ARHGAP4: variants seen among roughly 807,000 people sequenced by gnomAD.
The protein encoded by ARHGAP4 is Rho GTPase activating protein 4.
In ARHGAP4, 25 loss-of-function variants were observed where a neutral mutation model predicts 67.6. The ratio of observed to expected loss-of-function variants is 0.37; its 90% CI spans 0.27 to 0.52. The LOEUF is 0.52. ARHGAP4 is among the 20% of genes least tolerant of loss of function. The pLI, the probability that ARHGAP4 is intolerant of heterozygous loss-of-function variation, is 0.92. For missense variants in ARHGAP4, 804 were observed against 854.6 expected, an observed-to-expected ratio of 0.94 and a Z score of 0.74; for synonymous variants, 448 against 373.7, an observed-to-expected ratio of 1.20 and a Z score of -2.29.
At chrX:153,914,097 C>T (rs897059354) in intron 7 of ARHGAP4, 24 of 423,745 alleles carry the variant, frequency 5.7e-5, no homozygotes, top group Non-Finnish European at 8.3e-5. Flanking sequence ...ATCCAACTGA[C>T]GGATGGCTAA....
chrX:153,912,646 C>A, intron 12 of ARHGAP4, 54 bp downstream of exon 12: 1 of 1,057,815 alleles, frequency 9.5e-7, no homozygotes, highest in Non-Finnish European at 1.3e-6. Context: ...TGACCCAGAG[C>A]TGAAGAAAGA....
Position 153,913,864 on chromosome X carries a change from C to T in ARHGAP4, c.1048G>A (p.Val350Ile), listed in dbSNP as rs781798186. Reference sequence around the variant, plus strand: ...ATCTCGTCCCGCAGCTCCATTTCAACGCAGATCTCAGCCACCTGCAGAGGG... The same window carrying T: ...ATCTCGTCCCGCAGCTCCATTTCAATGCAGATCTCAGCCACCTGCAGAGGG... ...HDGDEVAEIC[V>I]EMELRDEILP... The change falls in exon 8 of 22, where the codon GTT becomes ATT. Residue 350 changes from valine to isoleucine, a missense_variant. Coordinates refer to ENST00000350060, the MANE Select transcript of ARHGAP4 (RefSeq NM_001666.5). The T allele has an allele frequency of 2.5e-6, 3 of 1,212,113 alleles. No homozygotes were observed. The highest frequency in any genetic ancestry group is 3.0e-5 in the East Asian group (1 of 33,872).
Position 153,919,588 on chromosome X carries a change from C to A in ARHGAP4, c.682-305G>T, listed in dbSNP as rs1235492968. On this transcript the variant is annotated intron_variant, in intron 5 of 21. Transcript: ENST00000350060. The stretch of plus-strand genomic sequence containing the variant: ...ATACCTGATGAGTGGAAGGTGCGCA[C>A]ATGGCACCCCACCATGGAGGGTGCA... 8 of 1,162,865 alleles carry A rather than the reference C, an allele frequency of 6.9e-6. No homozygotes were observed. The Admixed American group carries it at 2.1e-4, about 31-fold the overall frequency.
intron 3 of ARHGAP4, 30 bp downstream of exon 3, chrX:153,921,335 A>G: frequency 8.3e-7 from 1 of 1,209,742 alleles, no homozygotes; most frequent in Non-Finnish European, 1.1e-6. Context: ...AGCCTCGAAC[A>G]CTTCCCGTGG....
Position 153,920,653 on chromosome X carries a change from G to C in ARHGAP4, c.654C>G (p.Leu218=), listed in dbSNP as rs782227301. ...TCTCCACCAGCCTCCCTCCCTTCTT[G>C]AGGGAGCTCTTGCGGAGGGGCCCTG... The part of the protein sequence containing the change: ...TEAGPLRKSS[L]KKGGRLVEKR... Residue 218 remains leucine, a synonymous_variant, in exon 5 of 22, where the codon CTC becomes CTG. Transcript: ENST00000350060. The C allele has an allele frequency of 1.7e-6, 2 of 1,208,367 alleles. No homozygotes were observed. The highest frequency in any genetic ancestry group is 3.5e-5 in the African/African-American group (2 of 57,637).
intron 5 of ARHGAP4, chrX:153,919,694 G>A (rs1557104859): frequency 8.7e-7 from 1 of 1,149,707 alleles, no homozygotes; most frequent in Admixed American, 2.7e-5. Context: ...GAGCTGAGGG[G>A]GAACGAGTAC....
chrX:153,912,877 G>A, intron 11 of ARHGAP4, 75 bp from the exon 12 acceptor site: 1 of 1,117,014 alleles, frequency 9.0e-7, no homozygotes, highest in South Asian at 2.0e-5. Flanking sequence ...GGCCAGCCAA[G>A]CCGGCCTCTA....
intron 1 of ARHGAP4, chrX:153,922,427 C>T: frequency 1.3e-6 from 1 of 753,715 alleles, no homozygotes; most frequent in Non-Finnish European, 1.6e-6. Context: ...GAGCTAGCCC[C>T]CGTCTTCTGA....
At chrX:153,925,856 A>C (rs937102077) in intron 1 of ARHGAP4, among the ~76,000 whole-genome samples, 2 of 113,130 alleles carry the variant, frequency 1.8e-5, no homozygotes, top group Admixed American at 1.9e-4. Flanking sequence ...ACCAGCGGCC[A>C]CCAGTGTCTC....
chrX:153,918,016 T>C (rs1557104479), intron 7 of ARHGAP4, among the ~76,000 whole-genome samples: 1 of 111,903 alleles, frequency 8.9e-6, no homozygotes, highest in African/African-American at 3.2e-5. Context: ...CTCCTAGCAA[T>C]GGGCATGTTC....
In ARHGAP4 at chrX:153,910,599, G is replaced by A. The variant is rs782448315; in HGVS notation, c.1829C>T (p.Thr610Ile). The change falls in exon 16 of 22, where the codon ACA becomes ATA. Residue 610 changes from threonine (T) to isoleucine (I), a missense_variant. Thr to Ile is a moderately conservative substitution (Grantham distance 89). Transcript: ENST00000350060. Reference sequence around the variant, plus strand: ...GCTCACGTGCTCCACCCTCTCCGCTGTGGCCTCCAGCTCTGTGGCCAAAGC... The same window carrying A: ...GCTCACGTGCTCCACCCTCTCCGCTATGGCCTCCAGCTCTGTGGCCAAAGC... Reference protein sequence around the residue: ...ELLASSELEATAERVEHVSRL... With the variant: ...ELLASSELEAIAERVEHVSRL... 5 of 1,206,663 alleles carry A rather than the reference G, an allele frequency of 4.1e-6. No individual in the cohort carries two copies. The highest frequency in any genetic ancestry group is 2.2e-5 in the Admixed American group (1 of 45,870).
chrX:153,907,859 G>A lies in ARHGAP4; in HGVS notation c.2711C>T (p.Pro904Leu). 2.0e-6 allele frequency: 2 copies of A among 1,022,428 alleles called. No homozygotes were observed. The highest frequency in any genetic ancestry group is 7.3e-5 in the East Asian group (2 of 27,278). 84.3% of individuals were successfully genotyped at this position (1,022,428 alleles called of 1,213,427 possible). ...GCTGGGCGGGGCCTTTGGGCTTCGG[G>A]GCCCAGGACTGGGAGAGGTGGTAGA... ...PASTTSPSPG[P>L]RSPKAPPSSR... Residue 904 changes from proline to leucine, a missense_variant, in exon 22 of 22, where the codon CCC becomes CTC. By Grantham distance (98) the Pro-to-Leu change is moderately conservative. Around this residue, in one of 2 missense-constraint regions of ARHGAP4, gnomAD observed 400 missense variants for 348.7 expected, o/e 1.15. Transcript: ENST00000350060.
rs868908955 is a variant in ARHGAP4 at position 153,909,780 on chromosome X, C to T, written c.2375G>A (p.Arg792Gln). The T allele has an allele frequency of 3.0e-5, 36 of 1,199,558 alleles. No individual in the cohort carries two copies. Among genetic ancestry groups the T allele is most frequent in the South Asian group, 3.6e-5 (2 of 55,180 alleles). ...DWWRGEHNGM[R>Q]GLIPHKYITL... Reference sequence around the variant, plus strand: ...GATATACTTGTGGGGGATGAGGCCCCGCATGCCGTTGTGCTCCCCCCGCCA... The same window carrying T: ...GATATACTTGTGGGGGATGAGGCCCTGCATGCCGTTGTGCTCCCCCCGCCA... Residue 792 changes from arginine to glutamine, a missense_variant, in exon 19 of 22, where the codon CGG becomes CAG. By Grantham distance (43) the Arg-to-Gln change is conservative. Transcript: ENST00000350060.
At position 153,913,605 on chromosome X, in the gene ARHGAP4, AGAG is replaced by A; in HGVS notation, c.1135-8_1135-6del. On this transcript the variant is annotated splice_polypyrimidine_tract_variant and splice_region_variant and intron_variant, in intron 8 of 21. Coordinates refer to ENST00000350060, the MANE Select transcript of ARHGAP4 (RefSeq NM_001666.5). ...CGCCTTCAGAGTCTTGTTCACCTGC[AGAG>A]GAGACCACACCAGGGTGGTAAGAGG... is the stretch of plus-strand genomic sequence containing the variant. 1 of 1,200,058 alleles carries A rather than the reference AGAG, an allele frequency of 8.3e-7. No individual in the cohort carries two copies. The highest frequency in any genetic ancestry group is 1.1e-6 in the Non-Finnish European group (1 of 887,820).
At chrX:153,923,307 C>T (rs2065107627) in intron 1 of ARHGAP4, among the ~76,000 whole-genome samples, 2 of 111,764 alleles carry the variant, frequency 1.8e-5, no homozygotes, top group Admixed American at 9.5e-5. Flanking sequence ...ATTTCTGTCC[C>T]GCCAGTGACT....
rs1557104719 is a variant in ARHGAP4 at position 153,919,208 on chromosome X, C to T, written c.757G>A (p.Val253Ile). ...RNEYLLSLASVNAAVSNYYLH... is the reference protein window; with the variant it reads ...RNEYLLSLASINAAVSNYYLH... ...TAGTAGTTACTGACAGCAGCGTTGACACTAGCCAGGCTAAGCAGGTACTCG... is the reference window on the plus strand; with the variant it reads ...TAGTAGTTACTGACAGCAGCGTTGATACTAGCCAGGCTAAGCAGGTACTCG... The change falls in exon 6 of 22, where the codon GTC becomes ATC. Residue 253 changes from valine (V) to isoleucine (I), a missense_variant. Physicochemically the swap from Val to Ile is conservative, Grantham distance 29. Around this residue, in one of 2 missense-constraint regions of ARHGAP4, gnomAD observed 404 missense variants for 505.9 expected, o/e 0.80. Transcript: ENST00000350060. 1 of 1,212,337 alleles carries T rather than the reference C, an allele frequency of 8.2e-7. No individual in the cohort carries two copies. Among genetic ancestry groups the T allele is most frequent in the East Asian group, 3.0e-5 (1 of 33,863 alleles).
chrX:153,920,600 G>A, intron 5 of ARHGAP4, 26 bp downstream of exon 5: 1 of 1,178,908 alleles, frequency 8.5e-7, no homozygotes. Flanking sequence ...CCATAGGCCT[G>A]CGTCTGAGGT....
rs2065032163 is a variant in ARHGAP4, at chrX:153,913,108, CAG to C, written c.1412-59_1412-58del. 3 of 1,169,418 alleles carry C rather than the reference CAG, an allele frequency of 2.6e-6. No homozygotes were observed. In the African/African-American group the frequency reaches 5.3e-5, roughly 21 times the overall value. ...CGGGCCAGGGGTCTTCAAGGCATCC[CAG>C]AGAGAAAGGTGTGGATAAGAGCCAA... On this transcript the variant is annotated intron_variant, in intron 10 of 21. Coordinates refer to ENST00000350060, the MANE Select transcript of ARHGAP4 (RefSeq NM_001666.5).
chrX:153,913,343 T>C (rs2065034240), intron 9 of ARHGAP4, 41 bp from the exon 10 acceptor site: 1 of 1,202,172 alleles, frequency 8.3e-7, no homozygotes, highest in Admixed American at 2.2e-5. Flanking sequence ...TAGCCCTGGC[T>C]TGAGCCCCTC....
Sources: gnomAD v4.1 joint callset for allele counts (sites outside exome capture counted in the v4.1 genomes callset) on GRCh38, gnomAD v4.1.1 for gene constraint, gnomAD v4.1.1 regional missense constraint, MANE v1.5 for transcripts, NCBI Gene and HGNC (gene_info 2026-07-23, HGNC 2026-07-21) for gene names.